The following SLC9C1 variants were observed in gnomAD, a reference collection of about 807,000 sequenced individuals.
The protein encoded by SLC9C1 is solute carrier family 9 member C1.
In SLC9C1, 97 loss-of-function variants were observed where a neutral mutation model predicts 140.9. That is an observed-to-expected ratio of 0.69 (90% CI 0.58 to 0.82). SLC9C1 has a LOEUF of 0.82. Among genes scored for constraint, SLC9C1 ranks in the 40% least tolerant of loss-of-function variants. The probability of loss-of-function intolerance (pLI) is 0.00; values close to 1 mark genes in which losing one functional copy is unlikely to be tolerated. For synonymous variants in SLC9C1, 440 were observed against 442.6 expected (o/e 0.99, Z 0.07); for missense variants, 1,340 against 1,389.3 (o/e 0.96, Z 0.56).
Position 112,179,590 on chromosome 3 carries a change from T to A in SLC9C1, c.2860A>T (p.Ile954Leu). Residue 954 changes from isoleucine (I) to leucine (L), a missense_variant, in exon 23 of 29, where the codon ATA (isoleucine) becomes TTA (leucine). Ile to Leu is a conservative substitution (Grantham distance 5). Transcript: ENST00000305815. ...ATAGGTTCATTAGTTAAGCAGTTTATCTCTCCTATTATTTCTCCACTGAGC... is the reference window on the plus strand; with the variant it reads ...ATAGGTTCATTAGTTAAGCAGTTTAACTCTCCTATTATTTCTCCACTGAGC... ...YMLSGEIIGE[I>L]NCLTNEPMKY... The A allele has an allele frequency of 6.2e-7, 1 of 1,612,076 alleles. No individual in the cohort carries two copies. The highest frequency in any genetic ancestry group is 1.1e-5 in the South Asian group (1 of 90,314).
intron 26 of SLC9C1, among the ~76,000 whole-genome samples, chr3:112,160,671 G>C (rs2075271204): frequency 6.6e-6 from 1 of 151,274 alleles, no homozygotes; most frequent in Non-Finnish European, 1.5e-5. Flanking sequence ...GTCTATCATT[G>C]TTGGACATTT....
At chr3:112,181,682 T>C (rs2077442374) in intron 21 of SLC9C1, among the ~76,000 whole-genome samples, 1 of 152,098 alleles carries the variant, frequency 6.6e-6, no homozygotes, top group Non-Finnish European at 1.5e-5. Context: ...GAAAACAATA[T>C]AGTTCACAGG....
intron 28 of SLC9C1, among the ~76,000 whole-genome samples, chr3:112,144,087 A>G (rs766130118): frequency 2.7e-5 from 4 of 149,782 alleles, no homozygotes; most frequent in Non-Finnish European, 5.9e-5. Context: ...TAGGTTCTCT[A>G]TTCTGTTCCA....
intron 23 of SLC9C1, among the ~76,000 whole-genome samples, chr3:112,175,619 C>T (rs1057480453): frequency 2.0e-5 from 3 of 152,188 alleles, no homozygotes; most frequent in Admixed American, 6.5e-5. Flanking sequence ...AGGTTTGAAA[C>T]TCAGTTGGCC....
At chr3:112,152,155 C>T (rs999864590) in intron 27 of SLC9C1, among the ~76,000 whole-genome samples, 192 bp from the exon 28 acceptor site, 1 of 152,178 alleles carries the variant, frequency 6.6e-6, no homozygotes, top group Non-Finnish European at 1.5e-5. Flanking sequence ...AAGACCCGCA[C>T]CGGCACTGGT....
chr3:112,235,529 G>C (rs2078959568), intron 12 of SLC9C1, among the ~76,000 whole-genome samples: 1 of 150,438 alleles, frequency 6.6e-6, no homozygotes, highest in Non-Finnish European at 1.5e-5. Flanking sequence ...GGAGTGGTGA[G>C]AGAGGGCATC....
At position 112,202,517 on chromosome 3, in the gene SLC9C1, A is replaced by G. The variant is rs187465821; in HGVS notation, c.2173-118T>C. 3.5e-3 allele frequency: 3,339 copies of G among 954,772 alleles called. 11 individuals are homozygous for G. Among genetic ancestry groups the G allele is most frequent in the Non-Finnish European group, 3.8e-3 (2,522 of 662,130 alleles). The allele number at this position is 954,772 out of a possible 1,614,324, so 59.1% of individuals were successfully genotyped here. On this transcript the variant is annotated intron_variant, in intron 17 of 28. Transcript: ENST00000305815. ...ATTAAGTGCCCTCAAAGGTAACTAC[A>G]ATAACCTGTCAAGGTTCTTTGTTAT...
intron 12 of SLC9C1, among the ~76,000 whole-genome samples, chr3:112,239,600 GC>G (rs2079086639): frequency 6.6e-6 from 1 of 152,072 alleles, no homozygotes; most frequent in South Asian, 2.1e-4. Flanking sequence ...TTGGAACCAT[GC>G]CCCCAAAACA....
At chr3:112,172,722 C>T (rs1243694249) in intron 23 of SLC9C1, among the ~76,000 whole-genome samples, 2 of 151,962 alleles carry the variant, frequency 1.3e-5, no homozygotes, top group African/African-American at 2.4e-5. Flanking sequence ...GCATTCTATT[C>T]TGAGTTTTTG....
At chr3:112,165,609 C>G (rs1464477187) in intron 26 of SLC9C1, among the ~76,000 whole-genome samples, 2 of 152,182 alleles carry the variant, frequency 1.3e-5, no homozygotes, top group Non-Finnish European at 2.9e-5. Context: ...GCAAATGTTG[C>G]TACCTGATCG....
intron 26 of SLC9C1, among the ~76,000 whole-genome samples, chr3:112,157,560 T>C (rs1253467788): frequency 6.6e-6 from 1 of 152,016 alleles, no homozygotes; most frequent in Non-Finnish European, 1.5e-5. Context: ...TGGAGAATGC[T>C]TGTTGGTATT....
chr3:112,233,120 G>A (rs1335609002), intron 12 of SLC9C1, among the ~76,000 whole-genome samples: 2 of 150,058 alleles, frequency 1.3e-5, no homozygotes, highest in Non-Finnish European at 3.0e-5. Context: ...CCAGGCTGGA[G>A]TGCAGTGGCA....
intron 10 of SLC9C1, among the ~76,000 whole-genome samples, chr3:112,246,622 G>A (rs2079292441): frequency 1.3e-5 from 2 of 151,976 alleles, no homozygotes; most frequent in African/African-American, 2.4e-5. Context: ...TATGCACACA[G>A]TGTTGTACCA....
At chr3:112,186,048 T>G in intron 20 of SLC9C1, 1 of 1,233,644 alleles carries the variant, frequency 8.1e-7, no homozygotes, top group Non-Finnish European at 1.1e-6. Flanking sequence ...TATCTTCCGC[T>G]GCACAGTGCA....
At chr3:112,279,801 C>T (rs1489357888) in intron 3 of SLC9C1, among the ~76,000 whole-genome samples, 1 of 152,196 alleles carries the variant, frequency 6.6e-6, no homozygotes, top group Non-Finnish European at 1.5e-5. Flanking sequence ...AAAATGTTAA[C>T]TCTGGTTATT....
intron 6 of SLC9C1, among the ~76,000 whole-genome samples, chr3:112,273,537 C>T (rs1423351865): frequency 6.6e-6 from 1 of 152,102 alleles, no homozygotes; most frequent in Non-Finnish European, 1.5e-5. Flanking sequence ...TAACTGTCCA[C>T]AACCTGGATC....
intron 20 of SLC9C1, among the ~76,000 whole-genome samples, chr3:112,185,220 G>T (rs887588677): frequency 1.4e-4 from 21 of 151,638 alleles, no homozygotes; most frequent in African/African-American, 5.1e-4. Context: ...AGTCAGACAG[G>T]CAAGGCCTTA....
intron 5 of SLC9C1, 74 bp downstream of exon 5, chr3:112,277,612 TACCAAAAGC>T: frequency 8.1e-7 from 1 of 1,239,078 alleles, no homozygotes; most frequent in Non-Finnish European, 1.1e-6. Context: ...AGTGAAAAGC[TACCAAAAGC>T]AAAAGATCTT....
intron 9 of SLC9C1, among the ~76,000 whole-genome samples, 174 bp downstream of exon 9, chr3:112,264,026 T>C (rs1199692205): frequency 6.8e-6 from 1 of 146,142 alleles, no homozygotes; most frequent in Admixed American, 7.0e-5. Context: ...TTGCATTGCT[T>C]TGAAATTTAG....
Sources: allele counts gnomAD v4.1 joint callset (sites outside exome capture counted in the v4.1 genomes callset), GRCh38; gene constraint gnomAD v4.1.1; transcripts MANE v1.5; gene names NCBI Gene and HGNC (gene_info 2026-07-23, HGNC 2026-07-21).